GLRA2: variants seen among roughly 807,000 people sequenced by gnomAD.
GLRA2 encodes glycine receptor subunit alpha-2.
A neutral mutation model predicts 31.6 loss-of-function variants in GLRA2; 11 were observed. The ratio of observed to expected loss-of-function variants is 0.35; its 90% CI spans 0.22 to 0.58. The LOEUF (loss-of-function observed/expected upper bound fraction) is 0.58. Ranked by LOEUF, GLRA2 falls within the 20% of genes least tolerant of loss-of-function variation. The pLI is 0.84. For synonymous variants in GLRA2, 132 were observed against 134.0 expected (o/e 0.99, Z 0.10); for missense variants, 212 against 351.8 (o/e 0.60, Z 3.18).
At chrX:14,601,539 GAAT>G (rs1452559817) in intron 4 of GLRA2, among the ~76,000 whole-genome samples, 3 of 111,633 alleles carry the variant, frequency 2.7e-5, no homozygotes, top group African/African-American at 9.7e-5. Flanking sequence ...GCAAGATAAA[GAAT>G]AAAAACAAAA....
At chrX:14,470,685 A>G in the GLRA2 span, among the ~76,000 whole-genome samples, 4 of 112,102 alleles carry the variant, frequency 3.6e-5, no homozygotes, top group East Asian at 1.1e-3. Flanking sequence ...AACCTCTGGC[A>G]TTGCTTTTCA....
chrX:14,504,428 G>A, the GLRA2 span, among the ~76,000 whole-genome samples: 1 of 110,801 alleles, frequency 9.0e-6, no homozygotes, highest in African/African-American at 3.3e-5. Context: ...TTTTGTTTTT[G>A]TTTTTGAAAA....
At chrX:14,505,677 G>A in the GLRA2 span, among the ~76,000 whole-genome samples, 4 of 111,663 alleles carry the variant, frequency 3.6e-5, no homozygotes, top group East Asian at 1.1e-3. Flanking sequence ...TTGGGATTAG[G>A]GCAATGACTT....
intron 8 of GLRA2, among the ~76,000 whole-genome samples, chrX:14,723,758 A>T (rs1273276271): frequency 8.9e-6 from 1 of 111,798 alleles, no homozygotes; most frequent in Non-Finnish European, 1.9e-5. Flanking sequence ...CTCATTTTTT[A>T]AATCTCTAAT....
intron 8 of GLRA2, among the ~76,000 whole-genome samples, chrX:14,712,733 G>T (rs1186765081): frequency 9.0e-6 from 1 of 110,750 alleles, no homozygotes; most frequent in Non-Finnish European, 1.9e-5. Context: ...GACTTAACAT[G>T]AAGTTCTGAG....
chrX:14,576,568 A>T (rs2089961304), intron 3 of GLRA2, among the ~76,000 whole-genome samples: 1 of 112,166 alleles, frequency 8.9e-6, no homozygotes, highest in Non-Finnish European at 1.9e-5. Flanking sequence ...TGTTGCTTTG[A>T]TTAAATCTCC....
chrX:14,712,321 C>T (rs749393923), intron 8 of GLRA2, among the ~76,000 whole-genome samples: 3 of 111,886 alleles, frequency 2.7e-5, no homozygotes, highest in South Asian at 7.4e-4. Flanking sequence ...GTTGTGACAA[C>T]CAAAATGTCT....
At chrX:14,491,413 T>G in the GLRA2 span, among the ~76,000 whole-genome samples, 2 of 111,611 alleles carry the variant, frequency 1.8e-5, no homozygotes, top group Non-Finnish European at 3.8e-5. Flanking sequence ...AGAGTTTGTT[T>G]GTAAAAGAGT....
chrX:14,498,131 A>G, the GLRA2 span, among the ~76,000 whole-genome samples: 3 of 110,662 alleles, frequency 2.7e-5, no homozygotes, highest in African/African-American at 9.9e-5. Context: ...TGGTTACCTA[A>G]AAAAACAAAA....
the GLRA2 span, among the ~76,000 whole-genome samples, chrX:14,516,550 C>G: frequency 1.8e-5 from 2 of 111,288 alleles, no homozygotes; most frequent in Admixed American, 1.9e-4. Context: ...AGATGATGCC[C>G]CAGTGAACCG....
intron 8 of GLRA2, among the ~76,000 whole-genome samples, chrX:14,696,109 G>A (rs911066510): frequency 4.6e-5 from 5 of 107,762 alleles, no homozygotes; most frequent in Non-Finnish European, 9.6e-5. Flanking sequence ...GACAATAGAG[G>A]AGTTGAAAGA....
At chrX:14,502,625 T>G in the GLRA2 span, among the ~76,000 whole-genome samples, 2 of 111,229 alleles carry the variant, frequency 1.8e-5, no homozygotes, top group African/African-American at 6.5e-5. Flanking sequence ...GCCACAATAT[T>G]TTCAATAACT....
intron 8 of GLRA2, among the ~76,000 whole-genome samples, chrX:14,704,713 T>G (rs2091595510): frequency 8.9e-6 from 1 of 112,008 alleles, no homozygotes; most frequent in Non-Finnish European, 1.9e-5. Flanking sequence ...GACCCCTGCC[T>G]TCTTAGTTTT....
Position 14,690,827 on chromosome X carries a change from C to A in GLRA2, c.1048C>A (p.Arg350Ser). The stretch of plus-strand genomic sequence containing the variant: ...CTCCAGGCAACACAAGGAGTTCCTG[C>A]GCCTCCGAAGAAGACAGAAGAGGCA... Reference protein sequence around the residue: ...FVSRQHKEFLRLRRRQKRQNK... With the variant: ...FVSRQHKEFLSLRRRQKRQNK... The change falls in exon 8 of 9, where the codon CGC (arginine) becomes AGC (serine). Residue 350 changes from arginine (R) to serine (S), a missense_variant. Arg to Ser is a moderately radical substitution (Grantham distance 110). Coordinates refer to ENST00000218075, the MANE Select transcript of GLRA2 (RefSeq NM_002063.4). 1.7e-6 allele frequency: 2 copies of A among 1,206,813 alleles called. No individual in the cohort carries two copies. Among genetic ancestry groups the A allele is most frequent in the Non-Finnish European group, 2.2e-6 (2 of 891,379 alleles).
intron 7 of GLRA2, among the ~76,000 whole-genome samples, chrX:14,619,803 T>C (rs1273292702): frequency 9.0e-6 from 1 of 111,135 alleles, no homozygotes; most frequent in East Asian, 2.8e-4. Flanking sequence ...GATTATAAGC[T>C]CCATGAAGGC....
chrX:14,577,416 A>G (rs774316634), intron 3 of GLRA2, among the ~76,000 whole-genome samples: 1 of 113,075 alleles, frequency 8.8e-6, no homozygotes, highest in African/African-American at 3.2e-5. Flanking sequence ...CTCATCTTCC[A>G]AGATAATTGA....
At chrX:14,524,675 T>G (rs749790567), upstream of GLRA2, among the ~76,000 whole-genome samples, 182 of 111,439 alleles carry the variant, frequency 1.6e-3, 1 homozygote, top group Non-Finnish European at 2.9e-3. Flanking sequence ...ATATTGGATA[T>G]CTTTTGACTC....
chrX:14,730,281 T>C lies in GLRA2; in HGVS notation c.1155T>C (p.Asp385=). ...YGMGHCLQVK[D]GTAVKATPAN... ...TGGGTCACTGCCTCCAAGTGAAAGA[T>C]GGAACAGCTGTCAAGGCCACACCTG... is the stretch of plus-strand genomic sequence containing the variant. Residue 385 remains aspartate (D), a synonymous_variant, in exon 9 of 9, where the codon GAT becomes GAC. Coordinates refer to ENST00000218075, the MANE Select transcript of GLRA2 (RefSeq NM_002063.4). The C allele has an allele frequency of 8.3e-7, 1 of 1,204,172 alleles. No homozygotes were observed. Among genetic ancestry groups the C allele is most frequent in the Non-Finnish European group, 1.1e-6 (1 of 888,936 alleles).
intron 2 of GLRA2, among the ~76,000 whole-genome samples, chrX:14,549,863 A>G (rs1158524843): frequency 8.9e-6 from 1 of 111,761 alleles, no homozygotes; most frequent in Non-Finnish European, 1.9e-5. Flanking sequence ...TTCCATGAGC[A>G]TGAACATTGA....
Sources: gnomAD v4.1 joint callset for allele counts (sites outside exome capture counted in the v4.1 genomes callset) on GRCh38, gnomAD v4.1.1 for gene constraint, MANE v1.5 for transcripts, NCBI Gene and HGNC (gene_info 2026-07-23, HGNC 2026-07-21) for gene names.